TLK2: variants seen among roughly 807,000 people sequenced by gnomAD.
The protein encoded by TLK2 is serine/threonine-protein kinase tousled-like 2.
In TLK2, 6 loss-of-function variants were observed where a neutral mutation model predicts 117.3. The ratio of observed to expected loss-of-function variants is 0.05; its 90% CI spans 0.03 to 0.10. TLK2 has a LOEUF of 0.10. TLK2 is among the 10% of genes least tolerant of loss of function. TLK2 has a pLI of 1.00. For missense variants in TLK2, 299 were observed against 901.2 expected, an observed-to-expected ratio of 0.33 and a Z score of 8.56; for synonymous variants, 257 against 316.7, an observed-to-expected ratio of 0.81 and a Z score of 2.00.
intron 2 of TLK2, among the ~76,000 whole-genome samples, chr17:62,498,445 A>G (rs1314924280): frequency 6.7e-6 from 1 of 148,482 alleles, no homozygotes; most frequent in Non-Finnish European, 1.5e-5. Context: ...GCTGTAGTGC[A>G]GTGGCACAGT....
In TLK2 at chr17:62,615,117, G is replaced by C. The variant is rs973493846; in HGVS notation, c.*2552G>C. ...CTTTCTACCCTTGTCCTATTGAAAG[G>C]ATGCCCTCTTCCCTTGCTTTTTTGG... On this transcript the variant is annotated 3_prime_UTR_variant, in exon 22 of 22. Coordinates refer to ENST00000346027, the MANE Select transcript of TLK2 (RefSeq NM_006852.6). The C allele has an allele frequency of 8.6e-5, 13 of 152,030 alleles. No homozygotes were observed. The highest frequency in any genetic ancestry group is 3.1e-4 in the African/African-American group (13 of 41,364). The allele number at this position is 152,030 out of a possible 1,614,324, so 9.4% of individuals were successfully genotyped here. A position where few individuals can be genotyped will look rare whatever the true frequency, so the allele number is the denominator to read the frequency against.
intron 6 of TLK2, among the ~76,000 whole-genome samples, chr17:62,527,532 A>AT (rs974529431): frequency 5.3e-5 from 8 of 150,648 alleles, no homozygotes; most frequent in South Asian, 4.2e-4. Context: ...ACATAGATGA[A>AT]TTTTTTTTTG....
At chr17:62,585,330 G>T (rs1187067698) in intron 15 of TLK2, among the ~76,000 whole-genome samples, 1 of 152,186 alleles carries the variant, frequency 6.6e-6, no homozygotes, top group Admixed American at 6.5e-5. Flanking sequence ...GATCGCCTGA[G>T]GTCAGGAGAC....
Position 62,565,019 on chromosome 17 carries a change from G to T in TLK2, c.850G>T (p.Ala284Ser). The T allele has an allele frequency of 6.2e-7, 1 of 1,611,282 alleles. No individual in the cohort carries two copies. The highest frequency in any genetic ancestry group is 1.7e-5 in the Admixed American group (1 of 59,118). Reference protein sequence around the residue: ...LIEKSKQEKMACRDKSMQDRL... With the variant: ...LIEKSKQEKMSCRDKSMQDRL... The stretch of plus-strand genomic sequence containing the variant: ...CCCTAAGTCAAAACAAGAGAAGATG[G>T]CGTGTAGAGATAAGAGCATGCAAGA... Residue 284 changes from alanine (A) to serine (S), a missense_variant, in exon 11 of 22, where the codon GCG (alanine) becomes TCG (serine). By Grantham distance (99) the Ala-to-Ser change is moderately conservative (BLOSUM62 1). Coordinates refer to ENST00000346027, the MANE Select transcript of TLK2 (RefSeq NM_006852.6).
At chr17:62,534,881 CTTTTTTTTTT>C (rs386386398) in intron 6 of TLK2, among the ~76,000 whole-genome samples, 8 of 73,004 alleles carry the variant, frequency 1.1e-4, no homozygotes, top group South Asian at 6.0e-4. Flanking sequence ...TAATTCCAGT[CTTTTTTTTTT>C]TTTTTTTTTT....
intron 2 of TLK2, among the ~76,000 whole-genome samples, chr17:62,499,327 C>T (rs1361644483): frequency 6.6e-6 from 1 of 151,536 alleles, no homozygotes; most frequent in Non-Finnish European, 1.5e-5. Flanking sequence ...GAGTAAGACT[C>T]CGTCTCACAA....
At chr17:62,518,950 T>C (rs1420340065) in intron 2 of TLK2, among the ~76,000 whole-genome samples, 1 of 152,220 alleles carries the variant, frequency 6.6e-6, no homozygotes, top group Non-Finnish European at 1.5e-5. Context: ...AGTGGCGCGA[T>C]CTTGGCTCAT....
chr17:62,557,962 A>G (rs2078980500), intron 9 of TLK2, among the ~76,000 whole-genome samples: 1 of 152,158 alleles, frequency 6.6e-6, no homozygotes, highest in Non-Finnish European at 1.5e-5. Context: ...GTAGATAAAT[A>G]AAAAAGGAAG....
intron 2 of TLK2, among the ~76,000 whole-genome samples, chr17:62,482,459 T>TG (rs2071788792): frequency 6.6e-6 from 1 of 151,042 alleles, no homozygotes; most frequent in Non-Finnish European, 1.5e-5. Context: ...TTTTGTTTTT[T>TG]TTTTTTTTGA....
chr17:62,610,570 G>T (rs1364949563), intron 21 of TLK2, among the ~76,000 whole-genome samples: 1 of 152,218 alleles, frequency 6.6e-6, no homozygotes, highest in Non-Finnish European at 1.5e-5. Context: ...CCTCAAAGAT[G>T]AAGTGACAGT....
Position 62,612,611 on chromosome 17 carries a change from A to C in TLK2, c.*46A>C. 1 of 1,546,806 alleles carries C rather than the reference A, an allele frequency of 6.5e-7. No homozygotes were observed. The highest frequency in any genetic ancestry group is 8.8e-7 in the Non-Finnish European group (1 of 1,135,020). ...ACTGTTCAACACACACAAAGTGGACAAATGGCGTTCAGCAGCGGGTTTGGA... is the reference window on the plus strand; with the variant it reads ...ACTGTTCAACACACACAAAGTGGACCAATGGCGTTCAGCAGCGGGTTTGGA... On this transcript the variant is annotated 3_prime_UTR_variant, in exon 22 of 22. Transcript: ENST00000346027.
At chr17:62,570,370 A>T (rs1026450815) in intron 11 of TLK2, among the ~76,000 whole-genome samples, 1 of 152,162 alleles carries the variant, frequency 6.6e-6, no homozygotes, top group East Asian at 1.9e-4. Flanking sequence ...GCTATGGGTG[A>T]TGAAGGGCGA....
At chr17:62,596,995 T>C (rs1193138765) in intron 17 of TLK2, among the ~76,000 whole-genome samples, 1 of 138,658 alleles carries the variant, frequency 7.2e-6, no homozygotes, top group Non-Finnish European at 1.6e-5. Context: ...TTTATTTTTG[T>C]TTTTTTTTAA....
At chr17:62,471,064 T>C (rs2070931975) in exon 1 of TLK2, 1 of 152,276 alleles carries the variant, frequency 6.6e-6, no homozygotes, top group African/African-American at 2.4e-5. Flanking sequence ...TTGGCCTTGA[T>C]GACAGCCTGT....
chr17:62,536,078 A>G (rs544537497), intron 6 of TLK2, 92 bp from the exon 7 acceptor site: 4 of 1,419,668 alleles, frequency 2.8e-6, no homozygotes, highest in South Asian at 2.8e-5. Context: ...CATTCATCTT[A>G]TATTTGATAA....
At position 62,576,783 on chromosome 17, in the gene TLK2, T is replaced by C. The variant is rs767491964; in HGVS notation, c.1188+8T>C. ...TTAGGTCATCTTAAAAAGGTAAGTA[T>C]AATGAGAAAATCTCCCTGGAGAAAT... On this transcript the variant is annotated splice_region_variant and intron_variant, in intron 13 of 21. Coordinates refer to ENST00000346027, the MANE Select transcript of TLK2 (RefSeq NM_006852.6). The C allele has an allele frequency of 1.2e-6, 2 of 1,602,504 alleles. No individual in the cohort carries two copies. The highest frequency in any genetic ancestry group is 2.2e-5 in the South Asian group (2 of 90,638).
intron 16 of TLK2, among the ~76,000 whole-genome samples, chr17:62,593,053 C>G (rs1341148528): frequency 1.3e-5 from 2 of 152,192 alleles, no homozygotes; most frequent in Non-Finnish European, 2.9e-5. Flanking sequence ...AAGCTTTGCT[C>G]ACTCACCCAC....
At chr17:62,566,147 T>C (rs2079771808) in intron 11 of TLK2, among the ~76,000 whole-genome samples, 1 of 152,236 alleles carries the variant, frequency 6.6e-6, no homozygotes, top group Non-Finnish European at 1.5e-5. Flanking sequence ...TAAATGTATA[T>C]AGATATCTTC....
chr17:62,559,451 T>C (rs894692589), intron 9 of TLK2, among the ~76,000 whole-genome samples: 26 of 151,824 alleles, frequency 1.7e-4, no homozygotes, highest in Non-Finnish European at 3.2e-4. Flanking sequence ...TGATCTTGGC[T>C]CACTGCAGTC....
Sources: allele counts gnomAD v4.1 joint callset (sites outside exome capture counted in the v4.1 genomes callset), GRCh38; gene constraint gnomAD v4.1.1; transcripts MANE v1.5; gene names NCBI Gene and HGNC (gene_info 2026-07-23, HGNC 2026-07-21).